ZFAND4: variants seen among roughly 807,000 people sequenced by gnomAD.
The protein encoded by ZFAND4 is AN1-type zinc finger protein 4.
A neutral mutation model predicts 64.4 loss-of-function variants in ZFAND4; 43 were observed. That is an observed-to-expected ratio of 0.67 (90% CI 0.52 to 0.86). ZFAND4 has a LOEUF of 0.86. ZFAND4 is among the 40% of genes least tolerant of loss of function. The pLI, the probability that ZFAND4 is intolerant of heterozygous loss-of-function variation, is 0.00. For missense variants in ZFAND4, 929 were observed against 859.8 expected (o/e 1.08, Z -1.01); for synonymous variants, 296 against 305.7 (o/e 0.97, Z 0.33).
intron 2 of ZFAND4, 30 bp from the exon 3 acceptor site, chr10:45,653,089 T>C: frequency 6.6e-7 from 1 of 1,516,444 alleles, no homozygotes; most frequent in South Asian, 1.1e-5. Context: ...AAAAAAGTGT[T>C]AAAGAATTCA....
chr10:45,651,838 G>T, intron 4 of ZFAND4, 128 bp downstream of exon 4: 1 of 811,900 alleles, frequency 1.2e-6, no homozygotes, highest in East Asian at 2.7e-5. Flanking sequence ...AATGCCTAGA[G>T]AATCAAATGT....
At chr10:45,656,429 G>C (rs939418599) in intron 2 of ZFAND4, among the ~76,000 whole-genome samples, 1 of 140,160 alleles carries the variant, frequency 7.1e-6, no homozygotes, top group South Asian at 2.4e-4. Flanking sequence ...CTGTCTCTGA[G>C]AGCTCAAAGC....
chr10:45,657,051 T>C (rs1235714753), intron 2 of ZFAND4, among the ~76,000 whole-genome samples: 1 of 151,398 alleles, frequency 6.6e-6, no homozygotes, highest in East Asian at 1.9e-4. Context: ...GTCTCATCCA[T>C]TGCCCAGGCT....
intron 6 of ZFAND4, among the ~76,000 whole-genome samples, chr10:45,635,624 A>G (rs1243565664): frequency 6.6e-6 from 1 of 152,228 alleles, no homozygotes; most frequent in Non-Finnish European, 1.5e-5. Context: ...TTATGTTCAT[A>G]GCACCATTAT....
At chr10:45,640,175 AAAATCTAGTAT>A (rs1355330213) in intron 5 of ZFAND4, 2 of 1,256,550 alleles carry the variant, frequency 1.6e-6, no homozygotes, top group East Asian at 6.8e-5. Context: ...AGGATTACTG[AAAATCTAGTAT>A]AGCTGAGCTT....
At position 45,638,551 on chromosome 10, in the gene ZFAND4, T is replaced by C. The variant is rs553495159; in HGVS notation, c.717+1265A>G. 7.2e-5 allele frequency among the ~76,000 whole-genome samples: 11 copies of C among 152,204 alleles called. 1 individual carries two copies. In the East Asian group the frequency reaches 2.1e-3, roughly 29 times the overall value. ...TGCTTGGCAAAATTGTCTGGCATAATACTAAAGTTAAACGTGCATCTTCCC... is the reference window on the plus strand; with the variant it reads ...TGCTTGGCAAAATTGTCTGGCATAACACTAAAGTTAAACGTGCATCTTCCC... On this transcript the variant is annotated intron_variant, in intron 6 of 9. Transcript: ENST00000344646.
chr10:45,668,837 T>C (rs561547914), intron 1 of ZFAND4, among the ~76,000 whole-genome samples: 3 of 152,342 alleles, frequency 2.0e-5, no homozygotes, highest in Admixed American at 2.0e-4. Flanking sequence ...ATAAAGATGT[T>C]CTTTGAAACC....
chr10:45,647,349 A>G (rs1286841340), intron 5 of ZFAND4, among the ~76,000 whole-genome samples: 3 of 150,946 alleles, frequency 2.0e-5, no homozygotes, highest in Non-Finnish European at 3.0e-5. Flanking sequence ...TTGACTCCAG[A>G]TTGTGGGACT....
chr10:45,662,749 C>A, intron 2 of ZFAND4: 4 of 748,418 alleles, frequency 5.3e-6, no homozygotes, highest in Non-Finnish European at 6.5e-6. Flanking sequence ...AAAATTCTAA[C>A]CCTCCTCATC....
Position 45,668,010 on chromosome 10 carries a change from C to T in ZFAND4, c.-117-4168G>A, listed in dbSNP as rs114021743. On this transcript the variant is annotated intron_variant, in intron 1 of 9. Coordinates refer to ENST00000344646, the MANE Select transcript of ZFAND4 (RefSeq NM_174890.4). Reference sequence around the variant, plus strand: ...ATGAAGGGGTGCCAATTTTATCAAACGCTTTTTTCATTGTCTATTGAAATA... The same window carrying T: ...ATGAAGGGGTGCCAATTTTATCAAATGCTTTTTTCATTGTCTATTGAAATA... Among the ~76,000 whole-genome samples, 703 of 152,254 alleles carry T rather than the reference C, an allele frequency of 4.6e-3. 5 individuals are homozygous for T. The highest frequency in any genetic ancestry group is 0.016 in the African/African-American group (659 of 41,546).
intron 8 of ZFAND4, 126 bp from the exon 9 acceptor site, chr10:45,618,386 TA>T (rs1374340016): frequency 1.7e-6 from 2 of 1,158,526 alleles, no homozygotes; most frequent in Non-Finnish European, 2.4e-6. Flanking sequence ...TAATTTGTGC[TA>T]TTTTTATATC....
chr10:45,621,134 C>T (rs1461624515), intron 8 of ZFAND4, among the ~76,000 whole-genome samples: 3 of 152,258 alleles, frequency 2.0e-5, no homozygotes, highest in South Asian at 2.1e-4. Flanking sequence ...GGCTGGTAGT[C>T]GTCTGCCTAA....
intron 5 of ZFAND4, among the ~76,000 whole-genome samples, chr10:45,642,607 C>CAAA (rs531722370): frequency 1.7e-5 from 1 of 58,670 alleles, no homozygotes; most frequent in African/African-American, 6.0e-5. Context: ...GACTCCATCT[C>CAAA]AAAAAAAAAA....
chr10:45,626,898 T>G lies in ZFAND4; in HGVS notation c.925A>C (p.Ile309Leu), dbSNP rs3739965. Residue 309 changes from isoleucine (I) to leucine (L), a missense_variant, in exon 7 of 10, where the codon ATA (isoleucine) becomes CTA (leucine). Ile to Leu is a conservative substitution (Grantham distance 5). Transcript: ENST00000344646. ...LATQLSAERYISSITGEFLKE... is the reference protein window; with the variant it reads ...LATQLSAERYLSSITGEFLKE... ...AGAAATTCACCAGTGATAGAAGATA[T>G]GTATCTCTCAGCAGAGAGTTGAGTT... 16 of 1,614,220 alleles carry G rather than the reference T, an allele frequency of 9.9e-6. No homozygotes were observed. The East Asian group carries it at 3.6e-4, about 36-fold the overall frequency.
intron 5 of ZFAND4, chr10:45,640,423 T>TAAAAAA (rs35229531): frequency 2.8e-5 from 26 of 917,906 alleles, no homozygotes; most frequent in Admixed American, 1.2e-4. Flanking sequence ...AGATTCTCAC[T>TAAAAAA]AAAAAAAAAA....
chr10:45,670,406 T>C (rs2049103278), intron 1 of ZFAND4, among the ~76,000 whole-genome samples: 1 of 152,094 alleles, frequency 6.6e-6, no homozygotes, highest in South Asian at 2.1e-4. Context: ...TTTTTGCATT[T>C]TTAGTAGAGA....
intron 1 of ZFAND4, among the ~76,000 whole-genome samples, chr10:45,669,534 G>A (rs1589459009): frequency 1.3e-5 from 2 of 152,268 alleles, no homozygotes; most frequent in African/African-American, 4.8e-5. Context: ...ATTTTATGAG[G>A]CCAGCATCAT....
Position 45,626,894 on chromosome 10 carries a change from G to A in ZFAND4, c.929C>T (p.Ser310Phe), listed in dbSNP as rs1444843821. 1 of 1,614,206 alleles carries A rather than the reference G, an allele frequency of 6.2e-7. No homozygotes were observed. Among genetic ancestry groups the A allele is most frequent in the South Asian group, 1.1e-5 (1 of 91,086 alleles). The change falls in exon 7 of 10, where the codon TCT (serine) becomes TTT (phenylalanine). Residue 310 changes from serine to phenylalanine, a missense_variant. Ser to Phe is a radical substitution (Grantham distance 155). Transcript: ENST00000344646. ...CTTAAGAAATTCACCAGTGATAGAA[G>A]ATATGTATCTCTCAGCAGAGAGTTG... is the stretch of plus-strand genomic sequence containing the variant. ...ATQLSAERYI[S>F]SITGEFLKED...
In ZFAND4 at chr10:45,639,889, A is replaced by C; in HGVS notation, c.644T>G (p.Ile215Ser). ...TEPSSSGQQI[I>S]ENSITMNKMK... is the part of the protein sequence containing the mutation. ...CTTATTCATAGTTATTGAATTTTCAATTATCTGTTGCCCAGAAGAAGAAGG... is the reference window on the plus strand; with the variant it reads ...CTTATTCATAGTTATTGAATTTTCACTTATCTGTTGCCCAGAAGAAGAAGG... Residue 215 changes from isoleucine to serine, a missense_variant, in exon 6 of 10, where the codon ATT (isoleucine) becomes AGT (serine). By Grantham distance (142) the Ile-to-Ser change is moderately radical. Transcript: ENST00000344646. 6.2e-7 allele frequency: 1 copy of C among 1,613,632 alleles called. No individual in the cohort carries two copies.
Sources: gnomAD v4.1 joint callset for allele counts (sites outside exome capture counted in the v4.1 genomes callset) on GRCh38, gnomAD v4.1.1 for gene constraint, MANE v1.5 for transcripts, NCBI Gene and HGNC (gene_info 2026-07-23, HGNC 2026-07-21) for gene names.